Variants in KAZN observed in about 807,000 individuals in gnomAD.
KAZN encodes the protein kazrin.
Under a neutral mutation model 87.4 loss-of-function variants are expected in KAZN, and 40 were observed. The observed-to-expected ratio is 0.46, with a 90% CI of 0.36 to 0.60. KAZN has a LOEUF of 0.60. Among genes scored for constraint, KAZN ranks in the 20% least tolerant of loss-of-function variants. KAZN has a pLI of 0.00. For missense variants in KAZN, 898 were observed against 1,073.9 expected (o/e 0.84, Z 2.29); for synonymous variants, 466 against 458.3 (o/e 1.02, Z -0.22).
rs557631004 is a variant in KAZN, at chr1:13,984,299, C to T, written c.91+90543C>T. Among the ~76,000 whole-genome samples the T allele has an allele frequency of 5.3e-5, 8 of 152,294 alleles. No homozygotes were observed. In the South Asian group the frequency reaches 1.0e-3, roughly 20 times the overall value. ...TGCTGGGATTACAGGCGTGAGCCAC[C>T]GCGCCCGGCCTATTTGGATTATTAA... is the stretch of plus-strand genomic sequence containing the variant. On this transcript the variant is annotated intron_variant, in intron 1 of 16. Coordinates refer to the KAZN transcript ENST00000636203.
chr1:14,403,752 C>T (rs142149781), intron 2 of KAZN, among the ~76,000 whole-genome samples: 112 of 152,262 alleles, frequency 7.4e-4, no homozygotes, highest in African/African-American at 2.6e-3. Context: ...AAGTTTAAAA[C>T]CTGACAGTAT....
rs540781679 is a variant in KAZN at position 14,879,003 on chromosome 1, G to A, written c.227-81681G>A. On this transcript the variant is annotated intron_variant, in intron 1 of 14. Coordinates refer to ENST00000376030, the MANE Select transcript of KAZN (RefSeq NM_201628.3). ...TTTTCTTGAAAGGTAATCTTCTTGC[G>A]GATCAACTTTGCTAAGAAAATGAAA... is the stretch of plus-strand genomic sequence containing the variant. 4.6e-5 allele frequency among the ~76,000 whole-genome samples: 7 copies of A among 152,250 alleles called. No homozygotes were observed. In the East Asian group the frequency reaches 5.8e-4, roughly 13 times the overall value.
At chr1:14,672,425 A>G (rs1639970089) in intron 1 of KAZN, among the ~76,000 whole-genome samples, 1 of 152,128 alleles carries the variant, frequency 6.6e-6, no homozygotes, top group South Asian at 2.1e-4. Context: ...TGTGGCCCGA[A>G]CCCTCCCTTT....
intron 2 of KAZN, among the ~76,000 whole-genome samples, chr1:14,980,872 G>C (rs567428875): frequency 2.0e-5 from 3 of 152,266 alleles, no homozygotes; most frequent in African/African-American, 7.2e-5. Flanking sequence ...GAGGCAGGAG[G>C]GGGAGGTGGG....
intron 1 of KAZN, among the ~76,000 whole-genome samples, chr1:14,617,894 G>A (rs1678380263): frequency 6.6e-6 from 1 of 152,180 alleles, no homozygotes; most frequent in Non-Finnish European, 1.5e-5. Context: ...TTTGGCAGTG[G>A]CAGAAGGGAC....
intron 2 of KAZN, among the ~76,000 whole-genome samples, chr1:14,282,569 C>T (rs1192271428): frequency 1.3e-5 from 2 of 152,152 alleles, no homozygotes; most frequent in South Asian, 2.1e-4. Context: ...TGATGCCCCC[C>T]TTAGCCAACA....
Position 14,734,464 on chromosome 1 carries a change from C to T in KAZN, c.226+135241C>T, listed in dbSNP as rs112921809. On this transcript the variant is annotated intron_variant, in intron 1 of 14. Coordinates refer to ENST00000376030, the MANE Select transcript of KAZN (RefSeq NM_201628.3). ...GATTGCAGGCATGCACCACCACGCT[C>T]GACTAATTTTTTTTTAATTATTATT... Among the ~76,000 whole-genome samples the T allele has an allele frequency of 4.3e-3, 647 of 152,084 alleles. 4 individuals are homozygous for T. The highest frequency in any genetic ancestry group is 0.014 in the African/African-American group (562 of 41,486).
chr1:14,112,670 CAT>C (rs1644525951), intron 1 of KAZN, among the ~76,000 whole-genome samples: 1 of 152,216 alleles, frequency 6.6e-6, no homozygotes, highest in African/African-American at 2.4e-5. Flanking sequence ...GGTATAATCA[CAT>C]GAGTCCTTTC....
At chr1:14,670,403 T>A (rs1425241058) in intron 1 of KAZN, among the ~76,000 whole-genome samples, 1 of 152,158 alleles carries the variant, frequency 6.6e-6, no homozygotes, top group Non-Finnish European at 1.5e-5. Flanking sequence ...CTTCAGTAGG[T>A]CTGAGGTGGG....
At chr1:14,978,797 G>A (rs897239724) in intron 2 of KAZN, among the ~76,000 whole-genome samples, 1 of 152,104 alleles carries the variant, frequency 6.6e-6, no homozygotes, top group African/African-American at 2.4e-5. Flanking sequence ...GGGGTCTGAC[G>A]CCCAGACATA....
intron 8 of KAZN, among the ~76,000 whole-genome samples, chr1:15,070,819 C>T (rs941038913): frequency 4.6e-5 from 7 of 152,182 alleles, no homozygotes; most frequent in Non-Finnish European, 8.8e-5. Flanking sequence ...CCAGCCTGGG[C>T]GACAGAGTGA....
At chr1:14,672,115 T>C (rs1370541874) in intron 1 of KAZN, among the ~76,000 whole-genome samples, 2 of 152,172 alleles carry the variant, frequency 1.3e-5, no homozygotes, top group East Asian at 3.8e-4. Context: ...GGGCTATTTA[T>C]GAAGCCCAAG....
intron 2 of KAZN, among the ~76,000 whole-genome samples, chr1:14,370,439 C>T (rs1189362910): frequency 1.3e-5 from 2 of 152,202 alleles, no homozygotes; most frequent in African/African-American, 4.8e-5. Context: ...TTCTCCTCTC[C>T]CTCCCTTCCC....
At chr1:14,310,096 G>A (rs1000039146) in intron 2 of KAZN, among the ~76,000 whole-genome samples, 13 of 152,126 alleles carry the variant, frequency 8.5e-5, no homozygotes, top group African/African-American at 2.9e-4. Flanking sequence ...GCAGGAGTCA[G>A]GGATGACTCC....
At chr1:14,451,046 C>A (rs1223290322) in intron 2 of KAZN, among the ~76,000 whole-genome samples, 1 of 152,148 alleles carries the variant, frequency 6.6e-6, no homozygotes, top group Non-Finnish European at 1.5e-5. Flanking sequence ...CCTGCCCCAA[C>A]TTCACCTTCT....
At chr1:15,067,383 C>T (rs952316376) in intron 8 of KAZN, 16 of 985,436 alleles carry the variant, frequency 1.6e-5, no homozygotes, top group Non-Finnish European at 1.9e-5. Context: ...GGCGTTGGCC[C>T]CAAAGAGGCT....
At chr1:14,543,452 G>A (rs112799525) in intron 2 of KAZN, among the ~76,000 whole-genome samples, 4 of 152,262 alleles carry the variant, frequency 2.6e-5, no homozygotes, top group Non-Finnish European at 5.9e-5. Context: ...TCATGCCAGG[G>A]ACACATTGGA....
At chr1:13,962,555 C>T (rs989139408) in intron 1 of KAZN, among the ~76,000 whole-genome samples, 2 of 151,946 alleles carry the variant, frequency 1.3e-5, no homozygotes, top group Admixed American at 6.6e-5. Context: ...CCTTATGCTA[C>T]CCATTTTCTT....
At chr1:14,455,552 G>T (rs1195879881) in intron 2 of KAZN, among the ~76,000 whole-genome samples, 1 of 152,158 alleles carries the variant, frequency 6.6e-6, no homozygotes, top group Non-Finnish European at 1.5e-5. Context: ...TTTTCTACCA[G>T]AATTGGGAAT....
Sources: allele counts gnomAD v4.1 joint callset (sites outside exome capture counted in the v4.1 genomes callset), GRCh38; gene constraint gnomAD v4.1.1; transcripts MANE v1.5; gene names NCBI Gene and HGNC (gene_info 2026-07-23, HGNC 2026-07-21).